Variants in NEK1 observed in about 807,000 individuals in gnomAD.
NEK1 encodes the protein serine/threonine-protein kinase Nek1.
A neutral mutation model predicts 182.1 loss-of-function variants in NEK1; 137 were observed. The observed-to-expected ratio is 0.75, with a 90% confidence interval of 0.65 to 0.87. The LOEUF is 0.87. NEK1 is among the 40% of genes least tolerant of loss of function. NEK1 has a pLI of 0.00. For missense variants in NEK1, 1,391 were observed against 1,494.4 expected, an observed-to-expected ratio of 0.93 and a Z score of 1.14; for synonymous variants, 513 against 492.2, an observed-to-expected ratio of 1.04 and a Z score of -0.56.
At chr4:169,515,179 C>T (rs989461170) in intron 19 of NEK1, among the ~76,000 whole-genome samples, 2 of 152,008 alleles carry the variant, frequency 1.3e-5, no homozygotes, top group African/African-American at 4.8e-5. Context: ...CCACTGTTCT[C>T]TATATTTGTA....
At position 169,427,130 on chromosome 4, in the gene NEK1, T is replaced by G. The variant is rs1363093447; in HGVS notation, c.2886-896A>C. ...TCAAATTTTATTTTATCTTTTAAAT[T>G]TATTTATTTATTTTGAGATGGAGTC... On this transcript the variant is annotated intron_variant, in intron 29 of 35. Transcript: ENST00000507142. Among the ~76,000 whole-genome samples the G allele has an allele frequency of 2.6e-5, 4 of 152,274 alleles. No homozygotes were observed. The East Asian group carries it at 7.7e-4, about 29-fold the overall frequency.
rs184427223 is a variant in NEK1 at position 169,447,138 on chromosome 4, A to G, written c.2588-8879T>C. Among the ~76,000 whole-genome samples, 249 of 152,348 alleles carry G rather than the reference A, an allele frequency of 1.6e-3. 2 individuals carry two copies. The highest frequency in any genetic ancestry group is 3.2e-3 in the Non-Finnish European group (215 of 68,030). On this transcript the variant is annotated intron_variant, in intron 27 of 35. Transcript: ENST00000507142. Reference sequence around the variant, plus strand: ...AATCCAAGGAAGACTACCTCAAGACATTTACTAATCAAACTCCAAAAGGTC... The same window carrying G: ...AATCCAAGGAAGACTACCTCAAGACGTTTACTAATCAAACTCCAAAAGGTC...
At chr4:169,576,768 G>C in intron 12 of NEK1, 160 bp downstream of exon 12, 1 of 620,676 alleles carries the variant, frequency 1.6e-6, no homozygotes, top group Non-Finnish European at 2.7e-6. Context: ...ACTCCTGTAA[G>C]GCTTCTCAGT....
intron 23 of NEK1, among the ~76,000 whole-genome samples, chr4:169,496,844 G>A (rs988227900): frequency 8.5e-5 from 13 of 152,114 alleles, no homozygotes; most frequent in South Asian, 4.1e-4. Context: ...ATGTTCATCA[G>A]GGATATTGGT....
At position 169,406,659 on chromosome 4, in the gene NEK1, T is replaced by C. The variant is rs748870177; in HGVS notation, c.3311A>G (p.Asn1104Ser). 5.6e-6 allele frequency: 9 copies of C among 1,608,458 alleles called. No homozygotes were observed. Among genetic ancestry groups the C allele is most frequent in the Middle Eastern group, 3.3e-4 (2 of 6,046 alleles). Residue 1104 changes from asparagine (N) to serine (S), a missense_variant, in exon 32 of 36, where the codon AAT (asparagine) becomes AGT (serine). By Grantham distance (46) the Asn-to-Ser change is conservative (BLOSUM62 1). Transcript: ENST00000507142. ...VPTVGDVRQD[N>S]LEIDEIEDEN... ...ATCTTCAATTTCATCTATTTCAAGA[T>C]TGTCTTGACGAACATCTCCTACGGT... is the stretch of plus-strand genomic sequence containing the variant.
intron 19 of NEK1, among the ~76,000 whole-genome samples, chr4:169,526,072 C>T (rs1199076511): frequency 6.6e-6 from 1 of 152,206 alleles, no homozygotes; most frequent in Non-Finnish European, 1.5e-5. Context: ...CTGACACACA[C>T]ATACACACGA....
intron 27 of NEK1, among the ~76,000 whole-genome samples, chr4:169,439,433 T>C (rs917392775): frequency 1.7e-4 from 26 of 152,330 alleles, no homozygotes; most frequent in Admixed American, 1.6e-3. Flanking sequence ...AACAAAACTA[T>C]AGTGTTGCAA....
chr4:169,561,975 G>T, intron 13 of NEK1, 84 bp from the exon 14 acceptor site: 1 of 1,209,598 alleles, frequency 8.3e-7, no homozygotes, highest in East Asian at 2.4e-5. Flanking sequence ...ACCAATGGCA[G>T]AGGTATGTTC....
Position 169,406,356 on chromosome 4 carries a change from A to G in NEK1, c.3374+240T>C, listed in dbSNP as rs556399586. Among the ~76,000 whole-genome samples, 175 of 152,176 alleles carry G rather than the reference A, an allele frequency of 1.1e-3. 2 individuals are homozygous for G. Among genetic ancestry groups the G allele is most frequent in the African/African-American group, 3.9e-3 (161 of 41,512 alleles). On this transcript the variant is annotated intron_variant, in intron 32 of 35. Coordinates refer to ENST00000507142, the MANE Select transcript of NEK1 (RefSeq NM_001199397.3). ...AAGTTATCCCCTCTTTTTTACATAT[A>G]AATTCAGAAACTCTTTTAATGCTGT...
chr4:169,439,845 CTTTT>C (rs33985502), intron 27 of NEK1, among the ~76,000 whole-genome samples: 1 of 116,382 alleles, frequency 8.6e-6, no homozygotes. Context: ...GTTAGGGTAT[CTTTT>C]TTTTTTTTTT....
At chr4:169,562,796 T>C (rs964575048) in intron 12 of NEK1, among the ~76,000 whole-genome samples, 1 of 152,178 alleles carries the variant, frequency 6.6e-6, no homozygotes, top group African/African-American at 2.4e-5. Context: ...CAAGTGGTTT[T>C]TGGTTACATG....
rs1401338667 is a variant in NEK1 at position 169,590,723 on chromosome 4, T to TG, written c.396+2_396+3insC. ...AGAAGTTATCAGTGACAGAATAACA[T>TG]ACCTGAGATTTAATGTCTCGATGAA... On this transcript the variant is annotated splice_region_variant and intron_variant, in intron 6 of 35. Coordinates refer to ENST00000507142, the MANE Select transcript of NEK1 (RefSeq NM_001199397.3). 6.3e-7 allele frequency: 1 copy of TG among 1,576,154 alleles called. No homozygotes were observed. The highest frequency in any genetic ancestry group is 8.6e-7 in the Non-Finnish European group (1 of 1,156,696).
intron 18 of NEK1, among the ~76,000 whole-genome samples, chr4:169,545,498 C>T (rs1048206130): frequency 5.3e-5 from 8 of 149,732 alleles, no homozygotes; most frequent in African/African-American, 1.7e-4. Context: ...GTGAATAATG[C>T]CGCAATAAAC....
intron 19 of NEK1, among the ~76,000 whole-genome samples, chr4:169,537,508 TA>T (rs1758701278): frequency 6.6e-6 from 1 of 151,328 alleles, no homozygotes; most frequent in South Asian, 2.1e-4. Context: ...CTTATTTCTT[TA>T]TCTGGGTTGC....
chr4:169,537,829 C>T lies in NEK1; in HGVS notation c.1645G>A (p.Ala549Thr). The T allele has an allele frequency of 6.2e-7, 1 of 1,612,898 alleles. No individual in the cohort carries two copies. The highest frequency in any genetic ancestry group is 8.5e-7 in the Non-Finnish European group (1 of 1,179,210). Residue 549 changes from alanine to threonine, a missense_variant, in exon 19 of 36, where the codon GCT (alanine) becomes ACT (threonine). Transcript: ENST00000507142. ...CATACCATATGTCCTTCGGCTCGAG[C>T]TTTATTCTGCATAGCTTCCCGTTTT... ...QRKREAMQNK[A>T]RAEGHMGILQ...
chr4:169,602,856 TC>T (rs1167776048), intron 2 of NEK1, among the ~76,000 whole-genome samples, 178 bp from the exon 3 acceptor site: 2 of 151,874 alleles, frequency 1.3e-5, no homozygotes, highest in East Asian at 3.9e-4. Context: ...CCTAATTACA[TC>T]CAAAAAAGAG....
At chr4:169,452,930 A>G (rs1397317484) in intron 27 of NEK1, among the ~76,000 whole-genome samples, 1 of 152,200 alleles carries the variant, frequency 6.6e-6, no homozygotes, top group Non-Finnish European at 1.5e-5. Flanking sequence ...CTCAGCCCCA[A>G]ATTTCCTTAA....
At chr4:169,568,880 T>C (rs1477924577) in intron 12 of NEK1, among the ~76,000 whole-genome samples, 1 of 146,462 alleles carries the variant, frequency 6.8e-6, no homozygotes, top group African/African-American at 2.6e-5. Context: ...GAGGTTGCAG[T>C]GAGCCGAGAT....
In NEK1 at chr4:169,393,530, T is replaced by C. The variant is rs1730245801; in HGVS notation, c.*980A>G. The C allele has an allele frequency of 6.6e-6, 1 of 152,222 alleles. No individual in the cohort carries two copies. The highest frequency in any genetic ancestry group is 1.5e-5 in the Non-Finnish European group (1 of 68,038). 9.4% of individuals were successfully genotyped at this position (152,222 alleles called of 1,614,324 possible). A position where few individuals can be genotyped will look rare whatever the true frequency, so the allele number is the denominator to read the frequency against. On this transcript the variant is annotated 3_prime_UTR_variant, in exon 36 of 36. Transcript: ENST00000507142. ...CACCTCTAACGAAACCAGGTTATAC[T>C]TGGCATATTGTGATTGAAGCTGTGT...
Sources: gnomAD v4.1 joint callset for allele counts (sites outside exome capture counted in the v4.1 genomes callset) on GRCh38, gnomAD v4.1.1 for gene constraint, MANE v1.5 for transcripts, NCBI Gene and HGNC (gene_info 2026-07-23, HGNC 2026-07-21) for gene names.